RNF157: variants seen among roughly 807,000 people sequenced by gnomAD.
RNF157 encodes the protein E3 ubiquitin ligase RNF157.
Under a neutral mutation model 88.3 loss-of-function variants are expected in RNF157, and 55 were observed. The observed-to-expected ratio is 0.62, with a 90% CI of 0.50 to 0.78. The LOEUF is 0.78. RNF157 is among the 30% of genes least tolerant of loss of function. The pLI is 0.00. For missense variants in RNF157, 788 were observed against 860.8 expected (o/e 0.92, Z 1.06); for synonymous variants, 334 against 341.2 (o/e 0.98, Z 0.23).
intron 2 of RNF157, among the ~76,000 whole-genome samples, chr17:76,182,288 T>G (rs1472240967): frequency 6.6e-6 from 1 of 152,228 alleles, no homozygotes; most frequent in African/African-American, 2.4e-5. Flanking sequence ...GAGCAACTCC[T>G]CTTTGGCTTT....
At chr17:76,166,550 G>GA (rs552990657) in intron 5 of RNF157, 23 bp from the exon 6 acceptor site, 1,193 of 1,560,160 alleles carry the variant, frequency 7.6e-4, no homozygotes, top group Non-Finnish European at 8.8e-4. Context: ...AAAAGGAAAG[G>GA]AAAAAAAAAG....
At chr17:76,156,496 C>T (rs771110777) in intron 13 of RNF157, 175 bp from the exon 14 acceptor site, 9 of 1,416,462 alleles carry the variant, frequency 6.4e-6, no homozygotes, top group Non-Finnish European at 8.3e-6. Flanking sequence ...TCAGCCCAAG[C>T]CTGGAATGAC....
At chr17:76,152,092 G>A (rs1268037081) in intron 18 of RNF157, among the ~76,000 whole-genome samples, 1 of 152,228 alleles carries the variant, frequency 6.6e-6, no homozygotes, top group Non-Finnish European at 1.5e-5. Context: ...GGGGTGGAGA[G>A]TGGTTAGGCC....
rs938324889 is a variant in RNF157, at chr17:76,176,774, G to A, written c.208-2984C>T. On this transcript the variant is annotated intron_variant, in intron 2 of 18. Coordinates refer to ENST00000269391, the MANE Select transcript of RNF157 (RefSeq NM_052916.3). This position sits in a 1 kb window ranked among gnomAD's most constrained non-coding sequence, Gnocchi z 4.2. ...GGAGCTGGGCCTTGGCCAGTGTCCC[G>A]CTTGCTCATGGAGCGCCAGGGCCAG... Among the ~76,000 whole-genome samples, 1 of 152,040 alleles carries A rather than the reference G, an allele frequency of 6.6e-6. No homozygotes were observed. The highest frequency in any genetic ancestry group is 2.1e-4 in the South Asian group (1 of 4,828).
intron 2 of RNF157, among the ~76,000 whole-genome samples, chr17:76,210,588 C>CAAAAAAAAAAAAAAAAAAAAAAAA (rs71161274): frequency 5.6e-5 from 3 of 53,506 alleles, no homozygotes; most frequent in Non-Finnish European, 9.9e-5. Context: ...AGACTCCGTC[C>CAAAAAAAAAAAAAAAAAAAAAAAA]AAAAAAAAAA....
At chr17:76,181,135 C>T (rs1393082758) in intron 2 of RNF157, among the ~76,000 whole-genome samples, 3 of 152,184 alleles carry the variant, frequency 2.0e-5, no homozygotes, top group Non-Finnish European at 4.4e-5. Context: ...AAAAGCCATA[C>T]TCTATTGCAC....
chr17:76,156,368 C>A, intron 13 of RNF157, 47 bp from the exon 14 acceptor site: 1 of 1,612,320 alleles, frequency 6.2e-7, no homozygotes, highest in South Asian at 1.1e-5. Context: ...AAGCGCCAGT[C>A]ACCTGTGCTG....
Position 76,194,865 on chromosome 17 carries a change from A to G in RNF157, c.207+17499T>C, listed in dbSNP as rs1006888496. On this transcript the variant is annotated intron_variant, in intron 2 of 18. Transcript: ENST00000269391. Reference sequence around the variant, plus strand: ...CCCGTCTCTACTAAAAATACAAAAAATTAGCCAGGCGTGGTGGCGGGCGCC... The same window carrying G: ...CCCGTCTCTACTAAAAATACAAAAAGTTAGCCAGGCGTGGTGGCGGGCGCC... Among the ~76,000 whole-genome samples the G allele has an allele frequency of 3.9e-5, 6 of 152,096 alleles. No individual in the cohort carries two copies. In the East Asian group the frequency reaches 7.7e-4, roughly 20 times the overall value.
At chr17:76,191,025 A>G (rs2144943655) in intron 2 of RNF157, among the ~76,000 whole-genome samples, 1 of 152,172 alleles carries the variant, frequency 6.6e-6, no homozygotes, top group Admixed American at 6.5e-5. Context: ...GTTTCTACAA[A>G]AAGAAAAAAA....
intron 2 of RNF157, among the ~76,000 whole-genome samples, chr17:76,199,647 A>C (rs973152204): frequency 6.6e-6 from 1 of 151,576 alleles, no homozygotes; most frequent in Admixed American, 6.6e-5. Flanking sequence ...CACTGATTCA[A>C]CTTCTCTGGG....
At chr17:76,175,290 G>A (rs1023183098) in intron 2 of RNF157, among the ~76,000 whole-genome samples, 6 of 152,102 alleles carry the variant, frequency 3.9e-5, no homozygotes, top group Non-Finnish European at 7.3e-5. Context: ...TATAAATGTT[G>A]TGGTGAATAT....
At chr17:76,231,869 A>C (rs2070198254) in intron 1 of RNF157, among the ~76,000 whole-genome samples, 1 of 152,144 alleles carries the variant, frequency 6.6e-6, no homozygotes, top group South Asian at 2.1e-4. Flanking sequence ...ATTACCCCAA[A>C]ATGTTCCATC....
At chr17:76,152,520 G>T in intron 17 of RNF157, 55 bp from the exon 18 acceptor site, 3 of 1,031,698 alleles carry the variant, frequency 2.9e-6, no homozygotes, top group Non-Finnish European at 4.5e-6. Context: ...TCTCTGCGTT[G>T]CTGTCCTTAA....
chr17:76,210,529 T>G (rs139975433), intron 2 of RNF157, among the ~76,000 whole-genome samples: 17,854 of 125,586 alleles, frequency 0.14, 1,276 homozygotes, highest in Admixed American at 0.26. Context: ...GGCAGAGCTT[T>G]CAGTGAGCCA....
chr17:76,222,500 CACAG>C (rs2145052301), intron 1 of RNF157, among the ~76,000 whole-genome samples: 1 of 152,250 alleles, frequency 6.6e-6, no homozygotes. Flanking sequence ...AAGAATTTGG[CACAG>C]TCAGGTTATA....
At chr17:76,239,584 G>A (rs1473842503) in intron 1 of RNF157, among the ~76,000 whole-genome samples, 1 of 118,304 alleles carries the variant, frequency 8.5e-6, no homozygotes, top group Non-Finnish European at 1.6e-5. Flanking sequence ...AAAAGCACCA[G>A]CACTGCAAAT....
At chr17:76,147,200 C>T (rs941712020) in intron 18 of RNF157, 65 of 984,678 alleles carry the variant, frequency 6.6e-5, no homozygotes, top group Non-Finnish European at 7.5e-5. Context: ...ATTAATATTG[C>T]CTTTAAAGTG....
chr17:76,227,107 CTCTT>C (rs1257345549), intron 1 of RNF157, among the ~76,000 whole-genome samples: 5 of 151,338 alleles, frequency 3.3e-5, no homozygotes, highest in African/African-American at 9.8e-5. Context: ...TATTAATAAC[CTCTT>C]TTTTTGTTTT....
chr17:76,224,602 T>A (rs993103146), intron 1 of RNF157, among the ~76,000 whole-genome samples: 1 of 152,112 alleles, frequency 6.6e-6, no homozygotes, highest in African/African-American at 2.4e-5. Flanking sequence ...ATTTTTAAGT[T>A]TTCCCCCTAG....
Sources: allele counts gnomAD v4.1 joint callset (sites outside exome capture counted in the v4.1 genomes callset), GRCh38; gene constraint gnomAD v4.1.1; non-coding constraint Gnocchi (gnomAD v3.1); transcripts MANE v1.5; gene names NCBI Gene and HGNC (gene_info 2026-07-23, HGNC 2026-07-21).